The following KSR2 variants were observed in gnomAD, a reference collection of about 807,000 sequenced individuals.
The protein encoded by KSR2 is kinase suppressor of ras 2.
KSR2 carries 25 observed loss-of-function variants against 107.8 expected under a neutral mutation model. The observed-to-expected ratio is 0.23, with a 90% CI of 0.17 to 0.32. The LOEUF is 0.32. Among genes scored for constraint, KSR2 ranks in the 10% least tolerant of loss-of-function variants. The probability of loss-of-function intolerance (pLI) is 1.00; values close to 1 mark genes in which losing one functional copy is unlikely to be tolerated. For synonymous variants in KSR2, 480 were observed against 507.0 expected, an observed-to-expected ratio of 0.95 and a Z score of 0.71; for missense variants, 887 against 1,268.9, an observed-to-expected ratio of 0.70 and a Z score of 4.57.
chr12:117,533,367 T>C (rs1171157209), intron 10 of KSR2, among the ~76,000 whole-genome samples: 1 of 152,224 alleles, frequency 6.6e-6, no homozygotes, highest in Non-Finnish European at 1.5e-5. Context: ...CCAGTCAGTG[T>C]GCAACACACA....
At chr12:117,579,989 G>A (rs1214483238) in intron 6 of KSR2, among the ~76,000 whole-genome samples, 1 of 152,200 alleles carries the variant, frequency 6.6e-6, no homozygotes, top group Admixed American at 6.5e-5. Flanking sequence ...CTGGGCCCAA[G>A]AAAAGTACTG....
At chr12:117,835,532 G>T (rs781433725) in intron 3 of KSR2, among the ~76,000 whole-genome samples, 15 of 152,072 alleles carry the variant, frequency 9.9e-5, no homozygotes, top group Non-Finnish European at 1.9e-4. Context: ...CGTCAGTGTC[G>T]TCATAATCAT....
chr12:117,863,907 C>G (rs1267867622), intron 1 of KSR2, among the ~76,000 whole-genome samples: 1 of 152,152 alleles, frequency 6.6e-6, no homozygotes, highest in Admixed American at 6.5e-5. Flanking sequence ...CTCCTACTTC[C>G]CTCTTATACA....
intron 5 of KSR2, among the ~76,000 whole-genome samples, chr12:117,602,821 G>T (rs1183129845): frequency 6.6e-6 from 1 of 152,156 alleles, no homozygotes; most frequent in African/African-American, 2.4e-5. Context: ...GAACCCCACT[G>T]GGCCTGAGCT....
At chr12:117,753,660 C>T (rs1282630546) in intron 4 of KSR2, among the ~76,000 whole-genome samples, 3 of 151,906 alleles carry the variant, frequency 2.0e-5, no homozygotes, top group African/African-American at 7.3e-5. Flanking sequence ...TGGGGCCTTC[C>T]GGAGGGTAGA....
chr12:117,832,975 G>A (rs559363485), intron 3 of KSR2, among the ~76,000 whole-genome samples: 4 of 152,266 alleles, frequency 2.6e-5, no homozygotes, highest in South Asian at 2.1e-4. Flanking sequence ...TGCACAGCAC[G>A]TGGGCTCCCA....
chr12:117,579,683 C>T (rs759729707), intron 6 of KSR2, among the ~76,000 whole-genome samples: 14 of 152,202 alleles, frequency 9.2e-5, no homozygotes, highest in Non-Finnish European at 1.8e-4. Context: ...TCTCCCATCA[C>T]TTGCCGGTCA....
intron 4 of KSR2, among the ~76,000 whole-genome samples, chr12:117,718,524 C>T (rs1887084177): frequency 6.6e-6 from 1 of 152,192 alleles, no homozygotes; most frequent in South Asian, 2.1e-4. Flanking sequence ...ACCCTGAGGT[C>T]CTGGTCCTTG....
At chr12:117,805,684 G>C (rs1890984449) in intron 3 of KSR2, among the ~76,000 whole-genome samples, 1 of 152,236 alleles carries the variant, frequency 6.6e-6, no homozygotes, top group Non-Finnish European at 1.5e-5. Flanking sequence ...AAGCTGGTTA[G>C]AAATGCAGGT....
At chr12:117,784,039 T>G (rs1251444033) in intron 3 of KSR2, among the ~76,000 whole-genome samples, 3 of 152,178 alleles carry the variant, frequency 2.0e-5, no homozygotes, top group African/African-American at 4.8e-5. Context: ...TTTTTTTAAT[T>G]TTTTAATAAT....
At chr12:117,491,420 T>G (rs1872737405) in intron 14 of KSR2, among the ~76,000 whole-genome samples, 1 of 152,194 alleles carries the variant, frequency 6.6e-6, no homozygotes, top group South Asian at 2.1e-4. Flanking sequence ...CCTCAGGTGA[T>G]GCCCCCATCT....
At chr12:117,500,122 T>C (rs1288328762) in intron 14 of KSR2, among the ~76,000 whole-genome samples, 1 of 152,174 alleles carries the variant, frequency 6.6e-6, no homozygotes, top group African/African-American at 2.4e-5. Context: ...GGCCATGGTG[T>C]AAGACATCAC....
chr12:117,575,424 C>T (rs971233596), intron 7 of KSR2, among the ~76,000 whole-genome samples: 1 of 152,204 alleles, frequency 6.6e-6, no homozygotes, highest in Non-Finnish European at 1.5e-5. Flanking sequence ...AGGTGTGTCT[C>T]CTGTAAACTC....
rs566771827 is a variant in KSR2, at chr12:117,834,175, A to G, written c.472+21253T>C. On this transcript the variant is annotated intron_variant, in intron 3 of 19. Coordinates refer to ENST00000339824, the MANE Select transcript of KSR2 (RefSeq NM_173598.6). The stretch of plus-strand genomic sequence containing the variant: ...AAAAAAAAAAAACAGAACTGGCATC[A>G]CCCAAGAATCCGAAGGACTCGGCTG... Among the ~76,000 whole-genome samples, 6 of 151,800 alleles carry G rather than the reference A, an allele frequency of 4.0e-5. No homozygotes were observed. In the South Asian group the frequency reaches 1.2e-3, roughly 32 times the overall value.
chr12:117,470,217 C>A (rs1176233544), intron 18 of KSR2, among the ~76,000 whole-genome samples: 89 of 149,416 alleles, frequency 6.0e-4, no homozygotes, highest in African/African-American at 2.2e-3. Context: ...TCCATCCATC[C>A]ATCCATCCAT....
At chr12:117,816,367 A>G (rs1163906240) in intron 3 of KSR2, among the ~76,000 whole-genome samples, 1 of 152,146 alleles carries the variant, frequency 6.6e-6, no homozygotes, top group Admixed American at 6.5e-5. Flanking sequence ...AGATGATTGC[A>G]GCACCCAGCT....
At chr12:117,685,631 G>C (rs1360117384) in intron 4 of KSR2, among the ~76,000 whole-genome samples, 1 of 152,200 alleles carries the variant, frequency 6.6e-6, no homozygotes, top group Admixed American at 6.5e-5. Context: ...GGAGTCATTT[G>C]ACTCACAAAC....
At chr12:117,755,533 A>G (rs1888759325) in intron 4 of KSR2, among the ~76,000 whole-genome samples, 1 of 152,166 alleles carries the variant, frequency 6.6e-6, no homozygotes, top group Non-Finnish European at 1.5e-5. Context: ...AAATCGATCA[A>G]TGTTGTATGT....
At chr12:117,781,808 C>T (rs758504783) in intron 3 of KSR2, among the ~76,000 whole-genome samples, 6 of 152,182 alleles carry the variant, frequency 3.9e-5, no homozygotes, top group East Asian at 3.8e-4. Context: ...GGAGCCCAAA[C>T]GTCAGGTTGA....
Sources: gnomAD v4.1 joint callset for allele counts (sites outside exome capture counted in the v4.1 genomes callset) on GRCh38, gnomAD v4.1.1 for gene constraint, MANE v1.5 for transcripts, NCBI Gene and HGNC (gene_info 2026-07-23, HGNC 2026-07-21) for gene names.